CSMD1: variants seen among roughly 807,000 people sequenced by gnomAD.
CSMD1 encodes CUB and sushi domain-containing protein 1.
In CSMD1, 213 loss-of-function variants were observed where a neutral mutation model predicts 417.5. That is an observed-to-expected ratio of 0.51 (90% confidence interval 0.46 to 0.57). The LOEUF is 0.57. Among genes scored for constraint, CSMD1 ranks in the 20% least tolerant of loss-of-function variants. The probability of loss-of-function intolerance (pLI) is 0.00; values close to 1 mark genes in which losing one functional copy is unlikely to be tolerated. For synonymous variants in CSMD1, 2,862 were observed against 1,736.8 expected, an observed-to-expected ratio of 1.65 and a Z score of -16.11; for missense variants, 6,923 against 4,529.7, an observed-to-expected ratio of 1.53 and a Z score of -15.17.
chr8:3,995,380 C>G (rs992785755), intron 5 of CSMD1, among the ~76,000 whole-genome samples: 1 of 145,358 alleles, frequency 6.9e-6, no homozygotes, highest in South Asian at 2.2e-4. Context: ...CACATACACA[C>G]AAAACACTCT....
chr8:4,807,295 A>G (rs527591330), intron 1 of CSMD1, among the ~76,000 whole-genome samples: 4 of 152,236 alleles, frequency 2.6e-5, no homozygotes, highest in South Asian at 2.1e-4. Flanking sequence ...ACATGGCCCT[A>G]TGACAGGCCT....
At chr8:3,871,744 T>G (rs1416568114) in intron 5 of CSMD1, among the ~76,000 whole-genome samples, 1 of 152,160 alleles carries the variant, frequency 6.6e-6, no homozygotes, top group Non-Finnish European at 1.5e-5. Context: ...TTCTAACATT[T>G]GAGAATGTGG....
chr8:3,950,017 G>A (rs1040659388), intron 5 of CSMD1: 9 of 455,724 alleles, frequency 2.0e-5, no homozygotes, highest in Non-Finnish European at 3.1e-5. Context: ...CAGGGTCCAC[G>A]GCATTTCCTG....
intron 3 of CSMD1, among the ~76,000 whole-genome samples, chr8:4,108,164 A>AT (rs1034948622): frequency 6.6e-6 from 1 of 151,832 alleles, no homozygotes; most frequent in Non-Finnish European, 1.5e-5. Flanking sequence ...AGACAGTTTT[A>AT]TTTTTATTAA....
chr8:4,500,295 T>A (rs954074773), intron 2 of CSMD1, among the ~76,000 whole-genome samples: 4 of 152,204 alleles, frequency 2.6e-5, no homozygotes, highest in African/African-American at 9.6e-5. Context: ...TGCCAATTTT[T>A]GTGCATAGGT....
intron 26 of CSMD1, among the ~76,000 whole-genome samples, chr8:3,255,114 C>A (rs6995457): frequency 0.78 from 118,649 of 152,114 alleles, 46,840 homozygotes; most frequent in Non-Finnish European, 0.84. Flanking sequence ...CTGCCGGTCT[C>A]TTGGAGTTTG....
At chr8:3,396,994 G>C (rs1482731076) in intron 16 of CSMD1, among the ~76,000 whole-genome samples, 6 of 152,088 alleles carry the variant, frequency 3.9e-5, no homozygotes, top group East Asian at 1.9e-4. Flanking sequence ...ACTTGAGAAA[G>C]TTACAACAGC....
At chr8:3,711,573 T>G (rs1331018251) in intron 6 of CSMD1, among the ~76,000 whole-genome samples, 1 of 152,188 alleles carries the variant, frequency 6.6e-6, no homozygotes, top group Non-Finnish European at 1.5e-5. Context: ...CTTCTGCCTC[T>G]TCATGTGTGT....
intron 5 of CSMD1, among the ~76,000 whole-genome samples, chr8:3,772,650 C>A (rs1441905834): frequency 1.4e-5 from 2 of 143,812 alleles, no homozygotes; most frequent in Non-Finnish European, 3.0e-5. Flanking sequence ...TACATATATA[C>A]ATATATACAT....
chr8:3,938,868 G>T (rs1356958875), intron 5 of CSMD1, among the ~76,000 whole-genome samples: 1 of 152,090 alleles, frequency 6.6e-6, no homozygotes, highest in Admixed American at 6.6e-5. Context: ...GAAGGCAAGT[G>T]AATCATTAAG....
intron 3 of CSMD1, among the ~76,000 whole-genome samples, chr8:4,234,213 T>A (rs549414945): frequency 6.6e-6 from 1 of 152,108 alleles, no homozygotes; most frequent in Admixed American, 6.5e-5. Context: ...AGAAAAGACA[T>A]CTGTAAGCGA....
chr8:3,983,952 T>C (rs544288572), intron 5 of CSMD1, among the ~76,000 whole-genome samples: 55 of 151,284 alleles, frequency 3.6e-4, no homozygotes, highest in South Asian at 1.5e-3. Flanking sequence ...CTAGAGCACA[T>C]TGCAGATCTG....
At chr8:3,926,090 C>CACACACACAAACACCAT (rs1809672681) in intron 5 of CSMD1, among the ~76,000 whole-genome samples, 1 of 41,594 alleles carries the variant, frequency 2.4e-5, no homozygotes, top group African/African-American at 2.7e-4. Flanking sequence ...CATACACACA[C>CACACACACAAACACCAT]ACACACACAC....
intron 2 of CSMD1, among the ~76,000 whole-genome samples, chr8:4,633,402 A>G (rs1802646822): frequency 6.6e-6 from 1 of 151,214 alleles, no homozygotes. Flanking sequence ...GCCCACCACC[A>G]CGCCCAGCTA....
chr8:3,149,248 A>G (rs1819043189), intron 40 of CSMD1, among the ~76,000 whole-genome samples: 1 of 152,242 alleles, frequency 6.6e-6, no homozygotes, highest in Admixed American at 6.5e-5. Context: ...CTCAGAAATG[A>G]TAAAATAGTA....
intron 1 of CSMD1, among the ~76,000 whole-genome samples, chr8:4,923,301 T>G (rs7016449): frequency 0.69 from 105,576 of 151,940 alleles, 37,275 homozygotes; most frequent in Middle Eastern, 0.81. Flanking sequence ...AAAGGCAATG[T>G]GAGTTGATGC....
chr8:4,344,930 G>A (rs1021480226), intron 3 of CSMD1, among the ~76,000 whole-genome samples: 1 of 152,166 alleles, frequency 6.6e-6, no homozygotes, highest in Non-Finnish European at 1.5e-5. Context: ...GTTGTGGTCA[G>A]CTGGTCTCTG....
intron 5 of CSMD1, among the ~76,000 whole-genome samples, chr8:3,774,262 G>C (rs1798779208): frequency 6.6e-6 from 1 of 152,128 alleles, no homozygotes; most frequent in South Asian, 2.1e-4. Context: ...AATTCTTACA[G>C]ATTGCTGCAA....
chr8:4,366,558 T>C (rs73175755), intron 3 of CSMD1, among the ~76,000 whole-genome samples: 3,326 of 152,244 alleles, frequency 0.022, 52 homozygotes, highest in Admixed American at 0.027. Context: ...TATAAAAACG[T>C]TACTTTTTTT....
Sources: gnomAD v4.1 joint callset for allele counts (sites outside exome capture counted in the v4.1 genomes callset) on GRCh38, gnomAD v4.1.1 for gene constraint, MANE v1.5 for transcripts, NCBI Gene and HGNC (gene_info 2026-07-23, HGNC 2026-07-21) for gene names.